Variants in ADAM19 observed in about 807,000 individuals in gnomAD.
ADAM19 encodes the protein ADAM metallopeptidase domain 19, also known as disintegrin and metalloproteinase domain-containing protein 19.
A neutral mutation model predicts 114.7 loss-of-function variants in ADAM19; 65 were observed. That is an observed-to-expected ratio of 0.57 (90% confidence interval 0.46 to 0.70). ADAM19 has a LOEUF of 0.70. Among genes scored for constraint, ADAM19 ranks in the 30% least tolerant of loss-of-function variants. ADAM19 has a pLI of 0.00. For synonymous variants in ADAM19, 466 were observed against 460.5 expected (o/e 1.01, Z -0.15); for missense variants, 1,063 against 1,204.7 (o/e 0.88, Z 1.74).
chr5:157,516,768 C>T (rs1355315597), intron 7 of ADAM19, among the ~76,000 whole-genome samples: 3 of 152,128 alleles, frequency 2.0e-5, no homozygotes, highest in African/African-American at 7.2e-5. Context: ...TTTCTTCCAC[C>T]AGTCCTCCCA....
At chr5:157,574,293 G>A (rs1757908893) in intron 1 of ADAM19, among the ~76,000 whole-genome samples, 1 of 152,168 alleles carries the variant, frequency 6.6e-6, no homozygotes, top group Non-Finnish European at 1.5e-5. Flanking sequence ...CTCAGAGAAG[G>A]CGCCTGTGCT....
intron 21 of ADAM19, among the ~76,000 whole-genome samples, chr5:157,482,577 G>C (rs994065767): frequency 1.3e-5 from 2 of 152,122 alleles, no homozygotes; most frequent in African/African-American, 4.8e-5. Flanking sequence ...GTTAATTTTT[G>C]TATAAGGTGT....
At chr5:157,529,886 T>A (rs1027325301) in intron 5 of ADAM19, among the ~76,000 whole-genome samples, 2 of 152,176 alleles carry the variant, frequency 1.3e-5, no homozygotes, top group South Asian at 2.1e-4. Flanking sequence ...AACTTTTCAG[T>A]TGATTTTCTG....
At chr5:157,487,464 G>A (rs946797467) in intron 21 of ADAM19, among the ~76,000 whole-genome samples, 2 of 152,190 alleles carry the variant, frequency 1.3e-5, no homozygotes, top group Non-Finnish European at 1.5e-5. Flanking sequence ...TACACCCAGA[G>A]AAAGCAGTCT....
intron 22 of ADAM19, chr5:157,481,253 C>A (rs1224052131): frequency 1.3e-5 from 8 of 598,574 alleles, no homozygotes; most frequent in African/African-American, 3.7e-5. Flanking sequence ...GGCAGCAGCA[C>A]AGTCCATAGT....
At chr5:157,550,609 A>G (rs919782956) in intron 3 of ADAM19, among the ~76,000 whole-genome samples, 1 of 152,076 alleles carries the variant, frequency 6.6e-6, no homozygotes, top group Non-Finnish European at 1.5e-5. Context: ...TTGTAAATAT[A>G]CTAAAACAGA....
At position 157,528,924 on chromosome 5, in the gene ADAM19, T is replaced by G. The variant is rs1047866413; in HGVS notation, c.407+1883A>C. Reference sequence around the variant, plus strand: ...CATTAGGAAGACACCCAATTTCTATTTGTGAATGAAAAATGCAATCATTGA... The same window carrying G: ...CATTAGGAAGACACCCAATTTCTATGTGTGAATGAAAAATGCAATCATTGA... On this transcript the variant is annotated intron_variant, in intron 5 of 22. Coordinates refer to ENST00000257527, the MANE Select transcript of ADAM19 (RefSeq NM_033274.5). Among the ~76,000 whole-genome samples, 11 of 152,224 alleles carry G rather than the reference T, an allele frequency of 7.2e-5. 1 individual carries two copies. The highest frequency in any genetic ancestry group is 6.5e-4 in the Admixed American group (10 of 15,292).
Position 157,479,999 on chromosome 5 carries a change from C to T in ADAM19, c.*950G>A. Reference sequence around the variant, plus strand: ...CCCCAAGTCTACTCTGGTCACACTCCTGAGAGCCAGTGAGGGAAATCCAGT... The same window carrying T: ...CCCCAAGTCTACTCTGGTCACACTCTTGAGAGCCAGTGAGGGAAATCCAGT... On this transcript the variant is annotated 3_prime_UTR_variant, in exon 23 of 23. Transcript: ENST00000257527. 3.0e-6 allele frequency: 3 copies of T among 985,904 alleles called. No individual in the cohort carries two copies. The highest frequency in any genetic ancestry group is 3.6e-6 in the Non-Finnish European group (3 of 829,970). The allele number at this position is 985,904 out of a possible 1,614,324, so 61.1% of individuals were successfully genotyped here.
chr5:157,482,848 C>T (rs190920496), intron 21 of ADAM19, among the ~76,000 whole-genome samples: 2 of 152,304 alleles, frequency 1.3e-5, no homozygotes, highest in African/African-American at 4.8e-5. Context: ...AAATGTGGCA[C>T]ATATACACCA....
chr5:157,517,363 C>T (rs999689970), intron 7 of ADAM19, among the ~76,000 whole-genome samples: 1 of 152,176 alleles, frequency 6.6e-6, no homozygotes, highest in Non-Finnish European at 1.5e-5. Flanking sequence ...CTGCCCTGCT[C>T]GAACACAGCG....
chr5:157,507,982 C>A (rs1277536113), intron 9 of ADAM19, among the ~76,000 whole-genome samples: 1 of 152,214 alleles, frequency 6.6e-6, no homozygotes, highest in Non-Finnish European at 1.5e-5. Flanking sequence ...ACTATCTTAA[C>A]TATTTTGGGA....
chr5:157,496,765 AAGGGGATGAAAGAGGTAGTATCTAG>A, intron 14 of ADAM19, 104 bp downstream of exon 14: 2 of 746,926 alleles, frequency 2.7e-6, no homozygotes, highest in Non-Finnish European at 4.1e-6. Context: ...ACCCTGAGTC[AAGGGGATGAAAGAGGTAGTATCTAG>A]AGGTGCCATT....
intron 3 of ADAM19, 86 bp from the exon 4 acceptor site, chr5:157,538,077 G>A: frequency 9.0e-7 from 1 of 1,114,032 alleles, no homozygotes; most frequent in Non-Finnish European, 1.4e-6. Context: ...ACTGAACCAG[G>A]CAGGACTATC....
intron 4 of ADAM19, among the ~76,000 whole-genome samples, chr5:157,531,246 C>T (rs1162761261): frequency 2.0e-5 from 3 of 152,166 alleles, no homozygotes; most frequent in Non-Finnish European, 4.4e-5. Flanking sequence ...AAAGAACTTG[C>T]CTCCCCACCA....
intron 7 of ADAM19, among the ~76,000 whole-genome samples, chr5:157,515,528 A>T (rs887257020): frequency 2.0e-5 from 3 of 152,190 alleles, no homozygotes; most frequent in Non-Finnish European, 4.4e-5. Flanking sequence ...AATAATACAG[A>T]CACCTGTATA....
At chr5:157,541,478 T>C (rs58052298) in intron 3 of ADAM19, among the ~76,000 whole-genome samples, 2,260 of 152,258 alleles carry the variant, frequency 0.015, 47 homozygotes, top group African/African-American at 0.052. Flanking sequence ...CTCGGCACCA[T>C]CATAATAATA....
intron 18 of ADAM19, 127 bp downstream of exon 18, chr5:157,491,488 G>T: frequency 1.4e-6 from 1 of 695,586 alleles, no homozygotes; most frequent in Non-Finnish European, 2.3e-6. Flanking sequence ...TCTTTATCCT[G>T]ATTTCCTCTC....
At position 157,554,820 on chromosome 5, in the gene ADAM19, G is replaced by A. The variant is rs1448666049; in HGVS notation, c.251+9553C>T. Among the ~76,000 whole-genome samples, 7 of 151,574 alleles carry A rather than the reference G, an allele frequency of 4.6e-5. No homozygotes were observed. In the East Asian group the frequency reaches 9.6e-4, roughly 21 times the overall value. The stretch of plus-strand genomic sequence containing the variant: ...CCTATGAGGTTATTATCCCCATCAC[G>A]TAGATGAGAAAACTGAGACTCTCAA... On this transcript the variant is annotated intron_variant, in intron 3 of 22. Transcript: ENST00000257527.
At chr5:157,554,607 G>A (rs1757313992) in intron 3 of ADAM19, among the ~76,000 whole-genome samples, 2 of 152,226 alleles carry the variant, frequency 1.3e-5, no homozygotes, top group South Asian at 4.1e-4. Context: ...GGGGCAATGG[G>A]TTTTAAGGTC....
Sources: allele counts gnomAD v4.1 joint callset (sites outside exome capture counted in the v4.1 genomes callset), GRCh38; gene constraint gnomAD v4.1.1; transcripts MANE v1.5; gene names NCBI Gene and HGNC (gene_info 2026-07-23, HGNC 2026-07-21).